GMPR: variants seen among roughly 807,000 people sequenced by gnomAD.
GMPR encodes the protein GMP reductase 1.
Under a neutral mutation model 38.4 loss-of-function variants are expected in GMPR, and 31 were observed. The ratio of observed to expected loss-of-function variants is 0.81; its 90% CI spans 0.61 to 1.09. The LOEUF (loss-of-function observed/expected upper bound fraction) is 1.09. GMPR is among the 50% of genes least tolerant of loss of function. The pLI is 0.00. For synonymous variants in GMPR, 162 were observed against 173.3 expected, an observed-to-expected ratio of 0.93 and a Z score of 0.51; for missense variants, 468 against 453.7, an observed-to-expected ratio of 1.03 and a Z score of -0.29.
Position 16,290,569 on chromosome 6 carries a change from A to T in GMPR, c.805A>T (p.Met269Leu). The change falls in exon 8 of 9, where the codon ATG becomes TTG. Residue 269 changes from methionine to leucine, a missense_variant. Coordinates refer to ENST00000259727, the MANE Select transcript of GMPR (RefSeq NM_006877.4). ...ACGGAAGCTCAAGCTCTTCTACGGG[A>T]TGAGCTCTGACACCGCCATGAACAA... ...NGRKLKLFYG[M>L]SSDTAMNKHA... 2.5e-6 allele frequency: 4 copies of T among 1,614,150 alleles called. No homozygotes were observed. The highest frequency in any genetic ancestry group is 3.4e-6 in the Non-Finnish European group (4 of 1,180,000).
chr6:16,284,022 C>T (rs1759625334), intron 6 of GMPR, among the ~76,000 whole-genome samples: 1 of 152,206 alleles, frequency 6.6e-6, no homozygotes, highest in African/African-American at 2.4e-5. Context: ...CAAGCCCTGT[C>T]CCTGTCTTCA....
At chr6:16,265,816 T>C (rs1199615124) in intron 4 of GMPR, among the ~76,000 whole-genome samples, 1 of 152,210 alleles carries the variant, frequency 6.6e-6, no homozygotes, top group Non-Finnish European at 1.5e-5. Flanking sequence ...CCGGAACCCT[T>C]CCACGCCATG....
chr6:16,245,073 A>G (rs1758728375), intron 1 of GMPR, among the ~76,000 whole-genome samples: 1 of 152,204 alleles, frequency 6.6e-6, no homozygotes, highest in East Asian at 1.9e-4. Flanking sequence ...CAAGCCTGCC[A>G]AGCCAAATGT....
intron 6 of GMPR, among the ~76,000 whole-genome samples, chr6:16,284,349 G>A (rs534551229): frequency 6.6e-5 from 10 of 152,284 alleles, no homozygotes; most frequent in East Asian, 1.9e-4. Context: ...TTCACAAGGT[G>A]GGTCATCCCA....
At position 16,266,368 on chromosome 6, in the gene GMPR, T is replaced by C. The variant is rs1300552812; in HGVS notation, c.466-8047T>C. ...CCTTTAAGAGCTGTAACACTCACTG[T>C]GAAAAAGGTGGCACGTCGGACGTGC... On this transcript the variant is annotated intron_variant, in intron 4 of 8. Coordinates refer to ENST00000259727, the MANE Select transcript of GMPR (RefSeq NM_006877.4). Among the ~76,000 whole-genome samples, 37 of 114,202 alleles carry C rather than the reference T, an allele frequency of 3.2e-4. 1 individual carries two copies. In the East Asian group the frequency reaches 9.3e-3, roughly 29 times the overall value. The allele number at this position is 114,202 out of a possible 152,430, so 74.9% of individuals were successfully genotyped here. A position where few individuals can be genotyped will look rare whatever the true frequency, so the allele number is the denominator to read the frequency against.
chr6:16,270,841 A>G (rs1759370508), intron 4 of GMPR, among the ~76,000 whole-genome samples: 1 of 152,148 alleles, frequency 6.6e-6, no homozygotes, highest in Non-Finnish European at 1.5e-5. Flanking sequence ...ATGGAGAGAC[A>G]TTTGCACAAG....
At chr6:16,283,851 A>T (rs1759621241) in intron 6 of GMPR, among the ~76,000 whole-genome samples, 2 of 152,280 alleles carry the variant, frequency 1.3e-5, no homozygotes, top group South Asian at 4.1e-4. Context: ...GTTTGAGGCC[A>T]GAAGTGTGAA....
intron 4 of GMPR, among the ~76,000 whole-genome samples, chr6:16,270,011 C>G (rs1024368085): frequency 2.6e-5 from 4 of 152,200 alleles, no homozygotes; most frequent in African/African-American, 7.2e-5. Flanking sequence ...GCCCCCATGA[C>G]CTACCTAATT....
intron 4 of GMPR, chr6:16,263,431 G>C (rs1759125167): frequency 6.6e-6 from 1 of 151,868 alleles, no homozygotes; most frequent in Admixed American, 6.6e-5. Context: ...GAGGACACAG[G>C]CTAAGGGAGA....
chr6:16,261,080 A>C (rs563689027), intron 4 of GMPR, among the ~76,000 whole-genome samples: 2 of 150,992 alleles, frequency 1.3e-5, no homozygotes, highest in South Asian at 4.1e-4. Flanking sequence ...CAGCCGCTGC[A>C]CGGAGACATG....
At chr6:16,273,908 C>G (rs544815906) in intron 4 of GMPR, among the ~76,000 whole-genome samples, 1 of 151,374 alleles carries the variant, frequency 6.6e-6, no homozygotes, top group East Asian at 2.0e-4. Context: ...CTCTGCCTCC[C>G]GGGTTCAAGT....
intron 1 of GMPR, among the ~76,000 whole-genome samples, chr6:16,240,033 C>T (rs1758617332): frequency 6.6e-6 from 1 of 152,204 alleles, no homozygotes; most frequent in African/African-American, 2.4e-5. Flanking sequence ...CCTCTGGAAG[C>T]ATGAGCTGTA....
chr6:16,264,012 C>G (rs906124294), intron 4 of GMPR, among the ~76,000 whole-genome samples: 1 of 151,804 alleles, frequency 6.6e-6, no homozygotes, highest in African/African-American at 2.4e-5. Flanking sequence ...GGGTACTTGC[C>G]CCTTCCCCAG....
intron 3 of GMPR, 56 bp downstream of exon 3, chr6:16,250,423 CA>C: frequency 1.0e-6 from 1 of 970,842 alleles, no homozygotes; most frequent in Non-Finnish European, 1.7e-6. Context: ...ACAAAATCTT[CA>C]GAGCTGTCAA....
rs1424171070 is a variant in GMPR, at chr6:16,285,793, G to A, written c.655G>A (p.Asp219Asn). 1 of 1,613,174 alleles carries A rather than the reference G, an allele frequency of 6.2e-7. No homozygotes were observed. Among genetic ancestry groups the A allele is most frequent in the African/African-American group, 1.3e-5 (1 of 74,924 alleles). ...AHGLKGHIIS[D>N]GGCTCPGDVA... ...TGTCCTTGCTTTTTCCTCTGTGAAG[G>A]ATGGAGGCTGTACGTGTCCAGGGGA... is the stretch of plus-strand genomic sequence containing the variant. Residue 219 changes from aspartate to asparagine, a missense_variant and splice_region_variant, in exon 7 of 9, where the codon GAT (aspartate) becomes AAT (asparagine). Physicochemically the swap from Asp to Asn is conservative, Grantham distance 23. Coordinates refer to ENST00000259727, the MANE Select transcript of GMPR (RefSeq NM_006877.4).
At chr6:16,251,115 A>G (rs1758865439) in intron 3 of GMPR, among the ~76,000 whole-genome samples, 1 of 152,226 alleles carries the variant, frequency 6.6e-6, no homozygotes, top group African/African-American at 2.4e-5. Context: ...GTTATTCATA[A>G]TAGCCCAAAA....
At chr6:16,267,057 G>A (rs1204574456) in intron 4 of GMPR, among the ~76,000 whole-genome samples, 4 of 151,180 alleles carry the variant, frequency 2.6e-5, no homozygotes, top group Admixed American at 6.6e-5. Context: ...CACGTCGGAC[G>A]TGCCACCTTT....
Position 16,238,853 on chromosome 6 carries a change from G to T in GMPR, c.87+73G>T, listed in dbSNP as rs935310240. 24 of 745,888 alleles carry T rather than the reference G, an allele frequency of 3.2e-5. No homozygotes were observed. The African/African-American group carries it at 3.8e-4, about 12-fold the overall frequency. 46.2% of individuals were successfully genotyped at this position (745,888 alleles called of 1,614,324 possible). ...GTGGCGCGGGGCAAGTGGGTGGAAG[G>T]GGGTGGCACCGGGTTACCCTGCCTG... is the stretch of plus-strand genomic sequence containing the variant. On this transcript the variant is annotated intron_variant, in intron 1 of 8. Transcript: ENST00000259727.
intron 6 of GMPR, among the ~76,000 whole-genome samples, chr6:16,285,174 A>G (rs1428556251): frequency 6.6e-6 from 1 of 152,206 alleles, no homozygotes; most frequent in African/African-American, 2.4e-5. Context: ...TGGCCCTGCT[A>G]CACATTAAAC....
Sources: allele counts gnomAD v4.1 joint callset (sites outside exome capture counted in the v4.1 genomes callset), GRCh38; gene constraint gnomAD v4.1.1; transcripts MANE v1.5; gene names NCBI Gene and HGNC (gene_info 2026-07-23, HGNC 2026-07-21).